Variants in CNTNAP2 observed in about 807,000 individuals in gnomAD.
CNTNAP2 encodes contactin associated protein 2, also known as contactin-associated protein-like 2.
A neutral mutation model predicts 155.2 loss-of-function variants in CNTNAP2; 98 were observed. That is an observed-to-expected ratio of 0.63 (90% CI 0.54 to 0.75). The LOEUF is 0.75. CNTNAP2 is among the 30% of genes least tolerant of loss of function. The pLI, the probability that CNTNAP2 is intolerant of heterozygous loss-of-function variation, is 0.00. For synonymous variants in CNTNAP2, 651 were observed against 631.2 expected, an observed-to-expected ratio of 1.03 and a Z score of -0.47; for missense variants, 1,727 against 1,688.1, an observed-to-expected ratio of 1.02 and a Z score of -0.40.
At chr7:147,414,941 CAAAAAAA>C (rs67048724) in intron 10 of CNTNAP2, among the ~76,000 whole-genome samples, 30 of 50,980 alleles carry the variant, frequency 5.9e-4, no homozygotes, top group Non-Finnish European at 3.8e-4. Flanking sequence ...GACTCCTTCT[CAAAAAAA>C]AAAAAAAAAA....
intron 1 of CNTNAP2, among the ~76,000 whole-genome samples, chr7:146,132,281 T>G (rs184785042): frequency 4.4e-4 from 67 of 152,008 alleles, no homozygotes; most frequent in Non-Finnish European, 8.8e-4. Context: ...ATTGGGGAGG[T>G]TGGTGTATAA....
chr7:148,094,044 C>A (rs1430562950), intron 15 of CNTNAP2, among the ~76,000 whole-genome samples: 1 of 152,192 alleles, frequency 6.6e-6, no homozygotes, highest in Non-Finnish European at 1.5e-5. Context: ...AGGTGTAAGC[C>A]ACCACACCCA....
chr7:146,207,645 T>G (rs1019497484), intron 1 of CNTNAP2, among the ~76,000 whole-genome samples: 5 of 150,948 alleles, frequency 3.3e-5, no homozygotes, highest in Admixed American at 1.3e-4. Flanking sequence ...GTGTTTTTTT[T>G]TTTTTTTTTT....
intron 1 of CNTNAP2, among the ~76,000 whole-genome samples, chr7:146,627,669 C>A (rs1165866401): frequency 6.6e-6 from 1 of 152,012 alleles, no homozygotes; most frequent in African/African-American, 2.4e-5. Context: ...ATACATTTTG[C>A]AACCTGTTAT....
intron 16 of CNTNAP2, among the ~76,000 whole-genome samples, chr7:148,142,871 GCGT>G (rs1563213422): frequency 1.3e-5 from 2 of 152,228 alleles, no homozygotes; most frequent in African/African-American, 4.8e-5. Flanking sequence ...GGAAGGGGAA[GCGT>G]GAACATGCCA....
chr7:147,422,255 C>T (rs933873488), intron 10 of CNTNAP2, among the ~76,000 whole-genome samples: 1 of 149,326 alleles, frequency 6.7e-6, no homozygotes, highest in Admixed American at 6.7e-5. Flanking sequence ...TACTCATACA[C>T]ACAATATATA....
intron 4 of CNTNAP2, among the ~76,000 whole-genome samples, chr7:147,083,915 A>G (rs1424553406): frequency 7.1e-6 from 1 of 139,944 alleles, no homozygotes. Context: ...ATATGCATAT[A>G]TACATATACA....
intron 16 of CNTNAP2, among the ~76,000 whole-genome samples, chr7:148,143,192 T>C (rs1805110374): frequency 6.6e-6 from 1 of 152,216 alleles, no homozygotes; most frequent in Non-Finnish European, 1.5e-5. Context: ...ACAGGAACTT[T>C]TGGGAAACTA....
chr7:147,646,242 C>A (rs1490586590), intron 13 of CNTNAP2, among the ~76,000 whole-genome samples: 1 of 152,102 alleles, frequency 6.6e-6, no homozygotes, highest in Non-Finnish European at 1.5e-5. Context: ...AAGTTTCTGA[C>A]TTGAAAAACT....
Position 148,135,069 on chromosome 7 carries a change from G to A in CNTNAP2, c.2555-12422G>A, listed in dbSNP as rs78724578. 1.3e-4 allele frequency among the ~76,000 whole-genome samples: 20 copies of A among 151,620 alleles called. No individual in the cohort carries two copies. In the East Asian group the frequency reaches 3.9e-3, roughly 29 times the overall value. ...ATATTTTTTTTTCAACTGAGAACAA[G>A]GACCATACCAGAATCTCCAAGAGGG... is the stretch of plus-strand genomic sequence containing the variant. On this transcript the variant is annotated intron_variant, in intron 16 of 23. Transcript: ENST00000361727.
At chr7:147,573,712 G>A (rs1384924532) in intron 12 of CNTNAP2, among the ~76,000 whole-genome samples, 2 of 152,156 alleles carry the variant, frequency 1.3e-5, no homozygotes, top group African/African-American at 4.8e-5. Flanking sequence ...AACATGAAGT[G>A]TTTGCTCTCT....
At chr7:147,737,447 C>G (rs1488961541) in intron 13 of CNTNAP2, among the ~76,000 whole-genome samples, 3 of 152,160 alleles carry the variant, frequency 2.0e-5, no homozygotes, top group African/African-American at 2.4e-5. Flanking sequence ...GGGGGTGCCT[C>G]CCAGTTTGGC....
intron 1 of CNTNAP2, among the ~76,000 whole-genome samples, chr7:146,153,269 G>A (rs1340933013): frequency 1.3e-5 from 2 of 151,922 alleles, no homozygotes; most frequent in African/African-American, 4.8e-5. Flanking sequence ...ACTAATTATC[G>A]AGTACAGTTA....
chr7:147,477,592 C>G (rs1289562468), intron 10 of CNTNAP2, among the ~76,000 whole-genome samples: 1 of 152,136 alleles, frequency 6.6e-6, no homozygotes, highest in African/African-American at 2.4e-5. Context: ...TTTTTGAAGA[C>G]TTTCAGTGCT....
chr7:147,404,311 A>G (rs1584928523), intron 10 of CNTNAP2, among the ~76,000 whole-genome samples: 1 of 152,334 alleles, frequency 6.6e-6, no homozygotes, highest in Non-Finnish European at 1.5e-5. Context: ...GCAATTTTTC[A>G]TAAGTGAAAC....
intron 2 of CNTNAP2, among the ~76,000 whole-genome samples, chr7:146,778,765 A>G (rs73170325): frequency 0.16 from 24,455 of 152,236 alleles, 2,296 homozygotes; most frequent in East Asian, 0.3. Context: ...GGTCAGTTAG[A>G]GATGCCAATC....
chr7:147,628,459 C>A (rs147999896), intron 12 of CNTNAP2, among the ~76,000 whole-genome samples: 2,333 of 152,132 alleles, frequency 0.015, 213 homozygotes, highest in Admixed American at 0.14. Flanking sequence ...ACTAAGCCAG[C>A]GCTATAAGAA....
At chr7:147,028,494 C>T (rs552973013) in intron 3 of CNTNAP2, among the ~76,000 whole-genome samples, 42 of 152,202 alleles carry the variant, frequency 2.8e-4, no homozygotes, top group African/African-American at 1.0e-3. Flanking sequence ...TTAAGGAATA[C>T]AGGGGCACCG....
At chr7:146,873,644 G>T (rs1223743933) in intron 3 of CNTNAP2, among the ~76,000 whole-genome samples, 3 of 152,004 alleles carry the variant, frequency 2.0e-5, no homozygotes, top group Non-Finnish European at 4.4e-5. Flanking sequence ...TGTATGAGAA[G>T]AATAATAAGC....
Sources: gnomAD v4.1 joint callset for allele counts (sites outside exome capture counted in the v4.1 genomes callset) on GRCh38, gnomAD v4.1.1 for gene constraint, MANE v1.5 for transcripts, NCBI Gene and HGNC (gene_info 2026-07-23, HGNC 2026-07-21) for gene names.